Variants in RBMS3 observed in about 807,000 individuals in gnomAD.
RBMS3 encodes the protein RNA binding motif single stranded interacting protein 3.
In RBMS3, 27 loss-of-function variants were observed where a neutral mutation model predicts 66.8. That is an observed-to-expected ratio of 0.40 (90% CI 0.30 to 0.56). The LOEUF (loss-of-function observed/expected upper bound fraction) is 0.56, where lower values mean the gene tolerates loss of function less well. Ranked by LOEUF, RBMS3 falls within the 20% of genes least tolerant of loss-of-function variation. RBMS3 has a pLI of 0.40. For missense variants in RBMS3, 513 were observed against 549.5 expected, an observed-to-expected ratio of 0.93 and a Z score of 0.66; for synonymous variants, 188 against 183.0, an observed-to-expected ratio of 1.03 and a Z score of -0.22.
intron 4 of RBMS3, among the ~76,000 whole-genome samples, chr3:29,590,482 A>G (rs570811464): frequency 2.2e-4 from 33 of 152,248 alleles, no homozygotes; most frequent in African/African-American, 7.0e-4. Context: ...TTTAAAATAT[A>G]TAATAAGTAG....
chr3:29,502,583 A>G (rs886846374), intron 3 of RBMS3, among the ~76,000 whole-genome samples: 8 of 147,430 alleles, frequency 5.4e-5, no homozygotes, highest in African/African-American at 1.6e-4. Flanking sequence ...GTCACTGAAT[A>G]TAGATATAAA....
intron 6 of RBMS3, chr3:29,766,296 C>T (rs1395515015): frequency 6.6e-6 from 1 of 151,818 alleles, no homozygotes; most frequent in Non-Finnish European, 1.5e-5. Flanking sequence ...ATCTAGTTTC[C>T]AAGTCCCCTA....
intron 2 of RBMS3, among the ~76,000 whole-genome samples, chr3:29,458,547 A>G (rs2042269127): frequency 6.6e-6 from 1 of 152,200 alleles, no homozygotes; most frequent in African/African-American, 2.4e-5. Context: ...ATTACTTGTA[A>G]TACCTAATAA....
intron 4 of RBMS3, among the ~76,000 whole-genome samples, chr3:29,736,984 G>A (rs2054407036): frequency 6.6e-6 from 1 of 151,232 alleles, no homozygotes; most frequent in South Asian, 2.1e-4. Context: ...ACAACACAAA[G>A]TGTTTTTTTT....
rs943485617 is a variant in RBMS3, at chr3:29,420,965, T to A, written c.76-13778T>A. Among the ~76,000 whole-genome samples, 1,158 of 92,040 alleles carry A rather than the reference T, an allele frequency of 0.013. 39 individuals carry two copies. The East Asian group carries it at 0.14, about 11-fold the overall frequency. The allele number at this position is 92,040 out of a possible 152,430, so 60.4% of individuals were successfully genotyped here. A position where few individuals can be genotyped will look rare whatever the true frequency, so the allele number is the denominator to read the frequency against. ...TAAAAATGAAAAAAAAAAAAAAAAT[T>A]AACTGGGCGTGGTGGCGGGCGCCTG... On this transcript the variant is annotated intron_variant, in intron 1 of 14. Coordinates refer to ENST00000383767, the MANE Select transcript of RBMS3 (RefSeq NM_001003793.3).
At position 30,009,448 on chromosome 3, in the gene RBMS3, C is replaced by A. The variant is rs1699896761; in HGVS notation, c.*5586C>A. ...CATAAATTTTGATTATCTATAATGTCTTTTCTTATCTACCACAAATAATTG... is the reference window on the plus strand; with the variant it reads ...CATAAATTTTGATTATCTATAATGTATTTTCTTATCTACCACAAATAATTG... On this transcript the variant is annotated 3_prime_UTR_variant, in exon 15 of 15. Transcript: ENST00000383767. 2 of 151,888 alleles carry A rather than the reference C, an allele frequency of 1.3e-5. No homozygotes were observed. Among genetic ancestry groups the A allele is most frequent in the South Asian group, 2.1e-4 (1 of 4,806 alleles). 9.4% of individuals were successfully genotyped at this position (151,888 alleles called of 1,614,324 possible). A position where few individuals can be genotyped will look rare whatever the true frequency, so the allele number is the denominator to read the frequency against.
At chr3:29,561,177 G>A (rs1242207552) in intron 3 of RBMS3, among the ~76,000 whole-genome samples, 4 of 152,026 alleles carry the variant, frequency 2.6e-5, no homozygotes, top group Non-Finnish European at 4.4e-5. Context: ...CTTTGCTATC[G>A]TGAATAGTGC....
chr3:29,770,352 A>T (rs1191546480), intron 6 of RBMS3, among the ~76,000 whole-genome samples: 1 of 152,040 alleles, frequency 6.6e-6, no homozygotes, highest in Non-Finnish European at 1.5e-5. Context: ...TATTTCTCTT[A>T]TAATATTATA....
Position 29,514,835 on chromosome 3 carries a change from A to C in RBMS3, c.307+26336A>C, listed in dbSNP as rs2044560864. Among the ~76,000 whole-genome samples the C allele has an allele frequency of 2.0e-5, 3 of 151,462 alleles. No homozygotes were observed. The South Asian group carries it at 6.2e-4, about 31-fold the overall frequency. ...TGATAGGCATATATATAATAATATG[A>C]GGATAATAGCTAAAAATAATACCTA... On this transcript the variant is annotated intron_variant, in intron 3 of 14. Coordinates refer to ENST00000383767, the MANE Select transcript of RBMS3 (RefSeq NM_001003793.3).
chr3:29,936,326 A>G (rs1269394522), intron 11 of RBMS3, 130 bp downstream of exon 11: 3 of 865,796 alleles, frequency 3.5e-6, no homozygotes, highest in Non-Finnish European at 5.5e-6. Context: ...TTCAGGTTTC[A>G]GTATGAATAA....
At chr3:29,990,881 C>T (rs577380705) in intron 13 of RBMS3, among the ~76,000 whole-genome samples, 60 of 152,276 alleles carry the variant, frequency 3.9e-4, no homozygotes, top group African/African-American at 1.3e-3. Context: ...AATGGCAAGG[C>T]TTCTTGGTGT....
chr3:29,944,545 A>G (rs1695167045), intron 12 of RBMS3, among the ~76,000 whole-genome samples: 1 of 151,802 alleles, frequency 6.6e-6, no homozygotes, highest in Admixed American at 6.6e-5. Flanking sequence ...TGTATCAGTG[A>G]TTCTCAGTGT....
chr3:29,534,555 AT>A (rs1443748010), intron 3 of RBMS3, among the ~76,000 whole-genome samples: 1 of 152,134 alleles, frequency 6.6e-6, no homozygotes. Context: ...AAATATGATA[AT>A]TTTTTCCTAA....
intron 6 of RBMS3, among the ~76,000 whole-genome samples, chr3:29,785,509 G>A (rs1373271537): frequency 1.3e-5 from 2 of 151,942 alleles, no homozygotes; most frequent in East Asian, 1.9e-4. Flanking sequence ...AAATCTGGAG[G>A]CATCACATTA....
chr3:29,812,932 T>C (rs986624690), intron 6 of RBMS3, among the ~76,000 whole-genome samples: 1 of 152,124 alleles, frequency 6.6e-6, no homozygotes, highest in Non-Finnish European at 1.5e-5. Flanking sequence ...ATATCACAGA[T>C]GTACAACGCA....
chr3:29,423,269 A>G (rs2040821591), intron 1 of RBMS3, among the ~76,000 whole-genome samples: 1 of 152,172 alleles, frequency 6.6e-6, no homozygotes, highest in Non-Finnish European at 1.5e-5. Flanking sequence ...CTTAATTTCT[A>G]TCTTTTCTTG....
intron 1 of RBMS3, among the ~76,000 whole-genome samples, chr3:29,405,543 T>C (rs192199727): frequency 2.6e-5 from 4 of 152,302 alleles, no homozygotes; most frequent in African/African-American, 9.6e-5. Context: ...TGTAATGCCA[T>C]TTGCCACATA....
chr3:29,757,386 T>C (rs1488305953), intron 5 of RBMS3, among the ~76,000 whole-genome samples: 1 of 152,206 alleles, frequency 6.6e-6, no homozygotes, highest in Non-Finnish European at 1.5e-5. Flanking sequence ...CTCCCAAGTT[T>C]CAAATGTTGA....
chr3:29,677,316 G>T (rs1182101706), intron 4 of RBMS3, among the ~76,000 whole-genome samples: 5 of 152,124 alleles, frequency 3.3e-5, no homozygotes, highest in African/African-American at 1.2e-4. Context: ...TTGCTAAAGT[G>T]AGTAATCCTG....
Sources: gnomAD v4.1 joint callset for allele counts (sites outside exome capture counted in the v4.1 genomes callset) on GRCh38, gnomAD v4.1.1 for gene constraint, MANE v1.5 for transcripts, NCBI Gene and HGNC (gene_info 2026-07-23, HGNC 2026-07-21) for gene names.